Variants in MAOB observed in about 807,000 individuals in gnomAD.
MAOB encodes monoamine oxidase B.
Under a neutral mutation model 41.9 loss-of-function variants are expected in MAOB, and 15 were observed. The observed-to-expected ratio is 0.36, with a 90% CI of 0.24 to 0.55. The LOEUF (loss-of-function observed/expected upper bound fraction) is 0.55. MAOB is among the 20% of genes least tolerant of loss of function. The pLI is 0.86. For missense variants in MAOB, 345 were observed against 398.7 expected (o/e 0.87, Z 1.15); for synonymous variants, 167 against 144.2 (o/e 1.16, Z -1.13).
At chrX:43,837,253 T>A (rs184527413) in intron 3 of MAOB, among the ~76,000 whole-genome samples, 2 of 112,919 alleles carry the variant, frequency 1.8e-5, no homozygotes, top group Admixed American at 9.3e-5. Context: ...GAACTGTTGA[T>A]TGATGTTCAA....
chrX:43,781,892 G>T (rs1037603258), intron 8 of MAOB, among the ~76,000 whole-genome samples: 2 of 111,749 alleles, frequency 1.8e-5, no homozygotes, highest in Non-Finnish European at 3.8e-5. Flanking sequence ...GATGTGTAAA[G>T]GAAATACCAG....
intron 8 of MAOB, among the ~76,000 whole-genome samples, chrX:43,787,108 G>T (rs1601973022): frequency 9.2e-6 from 1 of 108,264 alleles, no homozygotes; most frequent in East Asian, 2.9e-4. Flanking sequence ...AAAACTATGG[G>T]GGGGTGGGTA....
intron 3 of MAOB, among the ~76,000 whole-genome samples, chrX:43,806,883 G>T (rs2034668572): frequency 9.0e-6 from 1 of 110,873 alleles, no homozygotes; most frequent in Admixed American, 9.6e-5. Context: ...CCTTCAGGTC[G>T]GCTCCTGAGT....
At chrX:43,859,566 C>A (rs1163770299) in intron 1 of MAOB, among the ~76,000 whole-genome samples, 2 of 111,568 alleles carry the variant, frequency 1.8e-5, no homozygotes, top group Non-Finnish European at 3.8e-5. Flanking sequence ...CCATAATCAA[C>A]CCGCCTATAC....
At chrX:43,837,394 C>T (rs1213395131) in intron 3 of MAOB, among the ~76,000 whole-genome samples, 1 of 112,027 alleles carries the variant, frequency 8.9e-6, no homozygotes, top group African/African-American at 3.2e-5. Flanking sequence ...GACGGGGTTT[C>T]GCCATGATGG....
At chrX:43,857,581 C>A (rs1285073523) in intron 1 of MAOB, among the ~76,000 whole-genome samples, 1 of 111,370 alleles carries the variant, frequency 9.0e-6, no homozygotes, top group Non-Finnish European at 1.9e-5. Flanking sequence ...CCATCCCACC[C>A]TGGCCTCTGC....
chrX:43,777,167 A>G (rs2034270359), intron 11 of MAOB, among the ~76,000 whole-genome samples: 1 of 111,679 alleles, frequency 9.0e-6, no homozygotes, highest in African/African-American at 3.3e-5. Flanking sequence ...TAGAACTAGA[A>G]ATATCATTTG....
intron 1 of MAOB, among the ~76,000 whole-genome samples, chrX:43,851,125 A>G (rs2035249016): frequency 8.9e-6 from 1 of 111,865 alleles, no homozygotes; most frequent in African/African-American, 3.2e-5. Flanking sequence ...CCATGAATAA[A>G]GGAATCAAAC....
chrX:43,791,766 A>G (rs747118528), intron 8 of MAOB, among the ~76,000 whole-genome samples: 3 of 111,997 alleles, frequency 2.7e-5, no homozygotes, highest in Non-Finnish European at 5.6e-5. Flanking sequence ...CAAAAAAAAA[A>G]AAATTAATTA....
chrX:43,788,099 T>C (rs1400655050), intron 8 of MAOB, among the ~76,000 whole-genome samples: 1 of 110,997 alleles, frequency 9.0e-6, no homozygotes, highest in Non-Finnish European at 1.9e-5. Context: ...CATGAGGGCC[T>C]CAGGAAGCTT....
intron 1 of MAOB, among the ~76,000 whole-genome samples, chrX:43,876,139 T>C (rs1248694451): frequency 9.0e-6 from 1 of 110,797 alleles, no homozygotes; most frequent in Non-Finnish European, 1.9e-5. Flanking sequence ...TTTGTATTTT[T>C]AGTAGAGACG....
intron 5 of MAOB, 64 bp downstream of exon 5, chrX:43,802,108 G>A (rs757513977): frequency 8.9e-5 from 79 of 889,320 alleles, no homozygotes; most frequent in Non-Finnish European, 1.2e-4. Context: ...CTTGTTGAAC[G>A]GTATTGCTAA....
chrX:43,795,808 C>A lies in MAOB; in HGVS notation c.699G>T (p.Arg233Ser), dbSNP rs2034520491. Residue 233 changes from arginine (R) to serine (S), a missense_variant, in exon 7 of 15, where the codon AGG becomes AGT. Transcript: ENST00000378069. ...DLLGDRVKLE[R>S]PVIYIDQTRE... ...TTGTCTGGTCAATGTAGATCACAGG[C>A]CTCTCCAGCTTCACTCGGTCTCCAA... is the stretch of plus-strand genomic sequence containing the variant. The A allele has an allele frequency of 8.3e-7, 1 of 1,210,866 alleles. No individual in the cohort carries two copies. Among genetic ancestry groups the A allele is most frequent in the South Asian group, 1.8e-5 (1 of 56,907 alleles).
At chrX:43,768,793 T>A in intron 13 of MAOB, 77 bp from the exon 14 acceptor site, 1 of 847,710 alleles carries the variant, frequency 1.2e-6, no homozygotes, top group Non-Finnish European at 1.8e-6. Flanking sequence ...AAGGACTAAG[T>A]AACTGTCTCT....
At chrX:43,845,609 C>A (rs1368914603) in intron 1 of MAOB, among the ~76,000 whole-genome samples, 1 of 112,064 alleles carries the variant, frequency 8.9e-6, no homozygotes, top group Non-Finnish European at 1.9e-5. Flanking sequence ...TTATACAACA[C>A]TGTCTTCCCC....
At position 43,859,338 on chromosome X, in the gene MAOB, T is replaced by TA. The variant is rs1347995418; in HGVS notation, c.47-15575_47-15574insT. Among the ~76,000 whole-genome samples, 3 of 111,954 alleles carry TA rather than the reference T, an allele frequency of 2.7e-5. No homozygotes were observed. The Admixed American group carries it at 2.9e-4, about 11-fold the overall frequency. ...ATCAGAAAGAATACTTTAACATCTC[T>TA]TTTCTGAAATTAAGGCCACCGTATT... On this transcript the variant is annotated intron_variant, in intron 1 of 14. Transcript: ENST00000378069.
rs886221867 is a variant in MAOB at position 43,815,106 on chromosome X, A to G, written c.280-11702T>C. On this transcript the variant is annotated intron_variant, in intron 3 of 14. Coordinates refer to ENST00000378069, the MANE Select transcript of MAOB (RefSeq NM_000898.5). Reference sequence around the variant, plus strand: ...TTTGCTGCTTGTATCAGCCATTTTCAGCTGTATCAGCCATTTCCAACTGTA... The same window carrying G: ...TTTGCTGCTTGTATCAGCCATTTTCGGCTGTATCAGCCATTTCCAACTGTA... Among the ~76,000 whole-genome samples, 10 of 111,441 alleles carry G rather than the reference A, an allele frequency of 9.0e-5. 1 individual carries two copies. Among genetic ancestry groups the G allele is most frequent in the Non-Finnish European group, 1.9e-4 (10 of 53,117 alleles).
At chrX:43,809,200 C>T (rs768370606) in intron 3 of MAOB, among the ~76,000 whole-genome samples, 8 of 111,937 alleles carry the variant, frequency 7.1e-5, no homozygotes, top group African/African-American at 9.7e-5. Context: ...CTGAATTATA[C>T]GGATTCTCAT....
At chrX:43,815,175 G>A (rs894045267) in intron 3 of MAOB, among the ~76,000 whole-genome samples, 2 of 112,014 alleles carry the variant, frequency 1.8e-5, no homozygotes, top group Non-Finnish European at 3.8e-5. Context: ...CCAAGAGGTT[G>A]TTTCCAAAGC....
Sources: allele counts gnomAD v4.1 joint callset (sites outside exome capture counted in the v4.1 genomes callset), GRCh38; gene constraint gnomAD v4.1.1; transcripts MANE v1.5; gene names NCBI Gene and HGNC (gene_info 2026-07-23, HGNC 2026-07-21).